FXYD6: variants seen among roughly 807,000 people sequenced by gnomAD.
FXYD6 encodes FXYD domain-containing ion transport regulator 6.
Under a neutral mutation model 16.7 loss-of-function variants are expected in FXYD6, and 7 were observed. That is an observed-to-expected ratio of 0.42 (90% CI 0.24 to 0.79). FXYD6 has a LOEUF of 0.79. Ranked by LOEUF, FXYD6 falls within the 30% of genes least tolerant of loss-of-function variation. The probability of loss-of-function intolerance (pLI) is 0.28; values close to 1 mark genes in which losing one functional copy is unlikely to be tolerated. For missense variants in FXYD6, 111 were observed against 116.2 expected (o/e 0.95, Z 0.21); for synonymous variants, 49 against 43.0 (o/e 1.14, Z -0.54).
intron 1 of FXYD6, among the ~76,000 whole-genome samples, chr11:117,856,120 C>T (rs1047211440): frequency 2.0e-5 from 3 of 152,032 alleles, no homozygotes; most frequent in Non-Finnish European, 4.4e-5. Context: ...GCTGCATGTG[C>T]GGGAGAAAGC....
chr11:117,841,520 A>T (rs2056343320), intron 4 of FXYD6: 1 of 590,624 alleles, frequency 1.7e-6, no homozygotes, highest in East Asian at 2.8e-5. Flanking sequence ...TGACTGCCCC[A>T]TTCATGCCCT....
At chr11:117,869,116 T>C (rs1174831430) in intron 1 of FXYD6, 1 of 152,222 alleles carries the variant, frequency 6.6e-6, no homozygotes, top group Non-Finnish European at 1.5e-5. Context: ...CAATTATTGT[T>C]AAATCACCTA....
intron 1 of FXYD6, among the ~76,000 whole-genome samples, chr11:117,863,612 G>C (rs2056953801): frequency 6.6e-6 from 1 of 152,066 alleles, no homozygotes; most frequent in Admixed American, 6.6e-5. Flanking sequence ...GTCCTAGCCA[G>C]AGCAACTATG....
intron 1 of FXYD6, among the ~76,000 whole-genome samples, chr11:117,855,599 G>C (rs923271886): frequency 1.3e-5 from 2 of 152,226 alleles, no homozygotes; most frequent in Non-Finnish European, 2.9e-5. Context: ...AGGCTGGCTG[G>C]GGTGGGGAGG....
intron 1 of FXYD6, among the ~76,000 whole-genome samples, chr11:117,843,322 G>A (rs1471094860): frequency 1.3e-5 from 2 of 152,176 alleles, no homozygotes; most frequent in African/African-American, 2.4e-5. Context: ...TACAACTAAC[G>A]CAGGCCGAGA....
At chr11:117,861,549 CTGTGG>C (rs2056907553) in intron 1 of FXYD6, among the ~76,000 whole-genome samples, 3 of 152,240 alleles carry the variant, frequency 2.0e-5, no homozygotes, top group Non-Finnish European at 4.4e-5. Context: ...AAGAGACGGC[CTGTGG>C]ACGGAGCTGA....
At chr11:117,874,395 C>T (rs538296320) in intron 1 of FXYD6, among the ~76,000 whole-genome samples, 10 of 152,282 alleles carry the variant, frequency 6.6e-5, no homozygotes, top group African/African-American at 1.7e-4. Flanking sequence ...TTTGCACACC[C>T]GCTTCCTCTC....
At position 117,874,226 on chromosome 11, in the gene FXYD6, A is replaced by C. The variant is rs1360788863; in HGVS notation, c.-6+2366T>G. On this transcript the variant is annotated intron_variant, in intron 1 of 7. Coordinates refer to ENST00000526014, the MANE Select transcript of FXYD6 (RefSeq NM_022003.4). ...GTCCCCAGCAATTAATACACAGTAG[A>C]CACTTAAAACAGTTCTTTGAATGAT... Among the ~76,000 whole-genome samples the C allele has an allele frequency of 2.0e-5, 3 of 152,206 alleles. No individual in the cohort carries two copies. In the East Asian group the frequency reaches 5.8e-4, roughly 29 times the overall value.
intron 1 of FXYD6, among the ~76,000 whole-genome samples, chr11:117,849,786 T>C (rs925274464): frequency 1.3e-5 from 2 of 152,150 alleles, no homozygotes; most frequent in Admixed American, 1.3e-4. Context: ...CGCCACTGCA[T>C]GCTGAAACTT....
intron 1 of FXYD6, among the ~76,000 whole-genome samples, chr11:117,854,342 C>G (rs11216583): frequency 0.086 from 13,079 of 152,210 alleles, 690 homozygotes; most frequent in African/African-American, 0.15. Context: ...TCTTCCTGCC[C>G]CCTGGGAATA....
intron 1 of FXYD6, among the ~76,000 whole-genome samples, chr11:117,847,874 A>G (rs2056510133): frequency 6.6e-6 from 1 of 152,232 alleles, no homozygotes; most frequent in African/African-American, 2.4e-5. Context: ...CTTTGGGTAT[A>G]TACCCAGTAA....
intron 1 of FXYD6, among the ~76,000 whole-genome samples, chr11:117,868,335 G>T (rs766518761): frequency 6.6e-6 from 1 of 152,158 alleles, no homozygotes; most frequent in Admixed American, 6.5e-5. Flanking sequence ...CAACAGCAAT[G>T]AATCATCCTG....
chr11:117,838,352 T>C, intron 7 of FXYD6, 75 bp from the exon 8 acceptor site: 1 of 699,710 alleles, frequency 1.4e-6, no homozygotes. Context: ...CTCCCTTCCT[T>C]GAGCACCTGC....
intron 5 of FXYD6, among the ~76,000 whole-genome samples, chr11:117,840,887 G>T (rs1410115581): frequency 1.3e-5 from 2 of 151,984 alleles, no homozygotes; most frequent in Non-Finnish European, 2.9e-5. Flanking sequence ...TCCAGAAAAG[G>T]TTCCAGTACT....
intron 1 of FXYD6, among the ~76,000 whole-genome samples, chr11:117,871,044 G>A (rs777555777): frequency 2.6e-5 from 4 of 152,054 alleles, no homozygotes; most frequent in African/African-American, 4.8e-5. Flanking sequence ...AAACTTTCTC[G>A]GTATCCTCCT....
chr11:117,876,843 C>A (rs901166577), upstream of FXYD6: 5 of 152,328 alleles, frequency 3.3e-5, no homozygotes, highest in African/African-American at 1.2e-4. Flanking sequence ...CGCGCGCAGA[C>A]CCCCTCTCCT....
chr11:117,863,024 C>T (rs1289180980), intron 1 of FXYD6, among the ~76,000 whole-genome samples: 2 of 152,176 alleles, frequency 1.3e-5, no homozygotes, highest in Non-Finnish European at 2.9e-5. Flanking sequence ...CACCAGATAA[C>T]ATTACAAGCA....
At chr11:117,873,866 G>A (rs147624777) in intron 1 of FXYD6, among the ~76,000 whole-genome samples, 126 of 152,262 alleles carry the variant, frequency 8.3e-4, no homozygotes, top group African/African-American at 2.9e-3. Flanking sequence ...ACATAGTGAA[G>A]CAGGCTCCTC....
chr11:117,858,689 TTCTTTCTTTCTTTC>T (rs879846679), intron 1 of FXYD6, among the ~76,000 whole-genome samples: 979 of 77,704 alleles, frequency 0.013, 39 homozygotes, highest in African/African-American at 0.025. Context: ...CTTTCTTTCT[TTCTTTCTTTCTTTC>T]TCTCTCTCTC....
Sources: allele counts gnomAD v4.1 joint callset (sites outside exome capture counted in the v4.1 genomes callset), GRCh38; gene constraint gnomAD v4.1.1; transcripts MANE v1.5; gene names NCBI Gene and HGNC (gene_info 2026-07-23, HGNC 2026-07-21).